Variants in B3GALT1 observed in about 807,000 individuals in gnomAD.
B3GALT1 encodes UDP-Gal:betaGlcNAc beta 1,3-galactosyltransferase, polypeptide 1.
Under a neutral mutation model 23.2 loss-of-function variants are expected in B3GALT1, and 10 were observed. The observed-to-expected ratio is 0.43, with a 90% CI of 0.27 to 0.73. The LOEUF (loss-of-function observed/expected upper bound fraction) is 0.73. Ranked by LOEUF, B3GALT1 falls within the 30% of genes least tolerant of loss-of-function variation. B3GALT1 has a pLI of 0.21. For synonymous variants in B3GALT1, 156 were observed against 141.5 expected, an observed-to-expected ratio of 1.10 and a Z score of -0.73; for missense variants, 299 against 405.4, an observed-to-expected ratio of 0.74 and a Z score of 2.25.
chr2:167,578,802 C>T (rs1274848096), intron 2 of B3GALT1, among the ~76,000 whole-genome samples: 3 of 151,932 alleles, frequency 2.0e-5, no homozygotes, highest in Admixed American at 6.6e-5. Flanking sequence ...ATCCCAGAAG[C>T]TGGAAGTCAG....
intron 1 of B3GALT1, among the ~76,000 whole-genome samples, chr2:167,428,880 CAAG>C (rs1228374147): frequency 6.6e-6 from 1 of 152,042 alleles, no homozygotes; most frequent in African/African-American, 2.4e-5. Context: ...TAATCTGATG[CAAG>C]AACACAACTC....
chr2:167,697,234 C>T (rs747562977), intron 3 of B3GALT1, among the ~76,000 whole-genome samples: 23 of 152,134 alleles, frequency 1.5e-4, no homozygotes, highest in Non-Finnish European at 2.9e-4. Context: ...CAATCAGTGA[C>T]GTTGCTCATG....
intron 2 of B3GALT1, among the ~76,000 whole-genome samples, chr2:167,563,983 A>ACGGGGCG (rs1558907349): frequency 8.2e-6 from 1 of 121,800 alleles, no homozygotes; most frequent in Non-Finnish European, 1.7e-5. Context: ...CGGACGGGGC[A>ACGGGGCG]GCCGGCCGGA....
At chr2:167,516,093 C>A (rs1003196796) in intron 2 of B3GALT1, among the ~76,000 whole-genome samples, 2 of 151,964 alleles carry the variant, frequency 1.3e-5, no homozygotes, top group Admixed American at 6.6e-5. Flanking sequence ...TTTTTAGACA[C>A]GCCTCCCCCA....
intron 2 of B3GALT1, among the ~76,000 whole-genome samples, chr2:167,619,107 TG>T (rs1386043356): frequency 1.3e-5 from 2 of 152,002 alleles, no homozygotes; most frequent in Admixed American, 1.3e-4. Context: ...ATTTATTAGT[TG>T]GCATTCTTCC....
chr2:167,558,735 G>A (rs914208999), intron 2 of B3GALT1, among the ~76,000 whole-genome samples: 1 of 152,230 alleles, frequency 6.6e-6, no homozygotes, highest in African/African-American at 2.4e-5. Context: ...CAAACTGCAA[G>A]GTGGCAGCGA....
At chr2:167,339,630 CTATACTT>C (rs1463234626) in intron 1 of B3GALT1, among the ~76,000 whole-genome samples, 2 of 152,006 alleles carry the variant, frequency 1.3e-5, no homozygotes, top group Non-Finnish European at 1.5e-5. Context: ...ACGTTAATCT[CTATACTT>C]TATGTATTTT....
At chr2:167,763,439 G>GAC (rs1448342840) in intron 3 of B3GALT1, among the ~76,000 whole-genome samples, 2 of 151,994 alleles carry the variant, frequency 1.3e-5, no homozygotes, top group African/African-American at 4.8e-5. Context: ...ACATAGACTG[G>GAC]ACAGCATCTG....
chr2:167,433,380 G>A (rs1366132791), intron 1 of B3GALT1, among the ~76,000 whole-genome samples: 1 of 152,086 alleles, frequency 6.6e-6, no homozygotes, highest in African/African-American at 2.4e-5. Context: ...GGCAATTATG[G>A]TAAAGCTCCT....
At chr2:167,311,352 G>A (rs2105486254) in intron 1 of B3GALT1, among the ~76,000 whole-genome samples, 1 of 152,142 alleles carries the variant, frequency 6.6e-6, no homozygotes, top group Non-Finnish European at 1.5e-5. Flanking sequence ...TTGAACTAGG[G>A]AAAATGAGAT....
chr2:167,393,017 G>T (rs527852252), intron 1 of B3GALT1, among the ~76,000 whole-genome samples: 2 of 152,014 alleles, frequency 1.3e-5, no homozygotes, highest in Non-Finnish European at 2.9e-5. Context: ...GGTGGATCAC[G>T]AAGTCAGCAG....
At chr2:167,368,687 CTAT>C (rs1301015129) in intron 1 of B3GALT1, among the ~76,000 whole-genome samples, 6 of 152,084 alleles carry the variant, frequency 3.9e-5, no homozygotes, top group Non-Finnish European at 7.4e-5. Context: ...TGATTAGGTG[CTAT>C]TATTTAAAAC....
chr2:167,452,123 C>G (rs1699102120), intron 1 of B3GALT1, among the ~76,000 whole-genome samples: 1 of 152,022 alleles, frequency 6.6e-6, no homozygotes, highest in South Asian at 2.1e-4. Context: ...AGAAAGCAAG[C>G]TGGGCTTTCA....
chr2:167,829,510 A>G (rs999183572), intron 4 of B3GALT1, among the ~76,000 whole-genome samples: 3 of 151,808 alleles, frequency 2.0e-5, no homozygotes, highest in Non-Finnish European at 2.9e-5. Flanking sequence ...AAAGAAGAAG[A>G]AAGAAAAAAA....
At chr2:167,711,438 G>C (rs1205154571) in intron 3 of B3GALT1, among the ~76,000 whole-genome samples, 2 of 152,170 alleles carry the variant, frequency 1.3e-5, no homozygotes, top group Non-Finnish European at 2.9e-5. Context: ...TGGCACTGCA[G>C]GTAGAAAAAG....
chr2:167,655,033 T>C (rs1190281236), intron 3 of B3GALT1, among the ~76,000 whole-genome samples: 1 of 152,160 alleles, frequency 6.6e-6, no homozygotes, highest in Admixed American at 6.6e-5. Flanking sequence ...CAAAATTCCA[T>C]CATATAAATC....
intron 1 of B3GALT1, among the ~76,000 whole-genome samples, chr2:167,382,670 A>T (rs995719947): frequency 6.6e-6 from 1 of 152,208 alleles, no homozygotes; most frequent in Non-Finnish European, 1.5e-5. Flanking sequence ...CTTGGTGAAT[A>T]CGGCATATAG....
intron 1 of B3GALT1, among the ~76,000 whole-genome samples, chr2:167,449,022 G>C (rs1228556553): frequency 6.6e-6 from 1 of 151,982 alleles, no homozygotes; most frequent in Non-Finnish European, 1.5e-5. Context: ...GTTTAAAGTT[G>C]GGTAATGTGA....
At chr2:167,841,719 C>A (rs745461696) in intron 4 of B3GALT1, among the ~76,000 whole-genome samples, 6 of 152,038 alleles carry the variant, frequency 3.9e-5, no homozygotes, top group Non-Finnish European at 7.4e-5. Context: ...GAGCCATGCT[C>A]CTAATTAGGA....
Sources: allele counts gnomAD v4.1 joint callset (sites outside exome capture counted in the v4.1 genomes callset), GRCh38; gene constraint gnomAD v4.1.1; transcripts MANE v1.5; gene names NCBI Gene and HGNC (gene_info 2026-07-23, HGNC 2026-07-21).